The following LPP variants were observed in gnomAD, a reference collection of about 807,000 sequenced individuals.
LPP encodes the protein LIM domain containing preferred translocation partner in lipoma, also known as lipoma-preferred partner.
Under a neutral mutation model 60.4 loss-of-function variants are expected in LPP, and 38 were observed. The observed-to-expected ratio is 0.63, with a 90% confidence interval of 0.49 to 0.83. The LOEUF (loss-of-function observed/expected upper bound fraction) is 0.83. LPP is among the 40% of genes least tolerant of loss of function. LPP has a pLI of 0.00. For missense variants in LPP, 902 were observed against 783.6 expected, an observed-to-expected ratio of 1.15 and a Z score of -1.80; for synonymous variants, 328 against 290.8, an observed-to-expected ratio of 1.13 and a Z score of -1.30.
chr3:188,655,415 G>A (rs751130407), intron 7 of LPP, among the ~76,000 whole-genome samples: 15 of 152,146 alleles, frequency 9.9e-5, no homozygotes, highest in South Asian at 2.1e-4. Context: ...AGCATAAGGC[G>A]GGTTTTAGAA....
Position 188,154,214 on chromosome 3 carries a change from C to CGCT in LPP, c.-228_-227insGCT, listed in dbSNP as rs34482225. Among the ~76,000 whole-genome samples, 3 of 151,902 alleles carry CGCT rather than the reference C, an allele frequency of 2.0e-5. No homozygotes were observed. Among genetic ancestry groups the CGCT allele is most frequent in the African/African-American group, 4.8e-5 (2 of 41,396 alleles). ...CCGCCGCCGCCGCCGCCGCCGCCGC[C>CGCT]ACCACCACCGCCGCTGCCCCGGCTG... On this transcript the variant is annotated 5_prime_UTR_variant, in exon 1 of 12. Transcript: ENST00000617246.
chr3:188,230,205 C>T (rs916837794), intron 2 of LPP, among the ~76,000 whole-genome samples: 3 of 151,962 alleles, frequency 2.0e-5, no homozygotes, highest in African/African-American at 7.3e-5. Flanking sequence ...CTTGCCTCAG[C>T]TGCCCGAGTA....
chr3:188,754,595 C>T (rs79044630), intron 8 of LPP, among the ~76,000 whole-genome samples: 16,832 of 152,044 alleles, frequency 0.11, 1,033 homozygotes, highest in East Asian at 0.14. Context: ...AAGTTTCTCT[C>T]CTGTAATATC....
At chr3:188,254,206 A>G (rs1730887895) in intron 2 of LPP, among the ~76,000 whole-genome samples, 1 of 152,206 alleles carries the variant, frequency 6.6e-6, no homozygotes, top group Non-Finnish European at 1.5e-5. Context: ...TGCAAAAGAG[A>G]GTGAAAGCCA....
At chr3:188,765,414 A>C (rs1213588933) in intron 9 of LPP, among the ~76,000 whole-genome samples, 1 of 152,010 alleles carries the variant, frequency 6.6e-6, no homozygotes, top group African/African-American at 2.4e-5. Flanking sequence ...GAAAGAGAAA[A>C]ATTTGTCAAG....
chr3:188,808,749 G>A (rs565556378), intron 9 of LPP, among the ~76,000 whole-genome samples: 9 of 152,098 alleles, frequency 5.9e-5, no homozygotes, highest in South Asian at 2.1e-4. Flanking sequence ...GTGTGCCCTG[G>A]CGGTTTGCTG....
intron 2 of LPP, among the ~76,000 whole-genome samples, chr3:188,332,570 G>A (rs1400574910): frequency 6.6e-6 from 1 of 152,146 alleles, no homozygotes; most frequent in African/African-American, 2.4e-5. Flanking sequence ...CTAAAGACCA[G>A]ATGCTGGATA....
chr3:188,505,490 C>G (rs1281649381), intron 5 of LPP, among the ~76,000 whole-genome samples: 1 of 152,186 alleles, frequency 6.6e-6, no homozygotes, highest in Non-Finnish European at 1.5e-5. Context: ...CTGCTTGTGA[C>G]TTGGTACTGT....
Position 188,495,075 on chromosome 3 carries a change from TATATATA to T in LPP, c.306+10372_306+10378del, listed in dbSNP as rs1292049441. On this transcript the variant is annotated intron_variant, in intron 5 of 11. Transcript: ENST00000617246. ...TAAGGTTCAGGATTTTATATATATATATATATATTTTATTTATATTTTATTATATATT... is the reference window on the plus strand; with the variant it reads ...TAAGGTTCAGGATTTTATATATATATTTTTATTTATATTTTATTATATATT... Among the ~76,000 whole-genome samples the T allele has an allele frequency of 3.9e-5, 4 of 102,810 alleles. 1 individual carries two copies. The highest frequency in any genetic ancestry group is 3.1e-4 in the Admixed American group (3 of 9,548). 67.4% of individuals were successfully genotyped at this position (102,810 alleles called of 152,430 possible). A position where few individuals can be genotyped will look rare whatever the true frequency, so the allele number is the denominator to read the frequency against.
chr3:188,871,810 G>GA (rs1402299968), intron 10 of LPP, among the ~76,000 whole-genome samples: 2 of 151,644 alleles, frequency 1.3e-5, no homozygotes, highest in Middle Eastern at 3.2e-3. Flanking sequence ...ACCTGTCATA[G>GA]AAAAAAAATT....
intron 9 of LPP, among the ~76,000 whole-genome samples, chr3:188,863,948 G>C (rs893817348): frequency 3.6e-5 from 5 of 139,180 alleles, no homozygotes; most frequent in African/African-American, 1.3e-4. Context: ...TCCATTACAG[G>C]GCTGACTAAA....
chr3:188,264,511 G>A (rs973385651), intron 2 of LPP, among the ~76,000 whole-genome samples: 1 of 152,160 alleles, frequency 6.6e-6, no homozygotes, highest in East Asian at 1.9e-4. Context: ...AATGTAAAAT[G>A]AATTGGGTCT....
intron 2 of LPP, among the ~76,000 whole-genome samples, chr3:188,256,533 C>T (rs1240162024): frequency 1.3e-5 from 2 of 152,124 alleles, no homozygotes; most frequent in Non-Finnish European, 2.9e-5. Flanking sequence ...TTAAGGTCAT[C>T]AGTCTTTCAA....
chr3:188,161,587 C>T (rs966311081), intron 1 of LPP, among the ~76,000 whole-genome samples: 6 of 152,106 alleles, frequency 3.9e-5, no homozygotes, highest in East Asian at 1.9e-4. Flanking sequence ...AACTGAGGCC[C>T]CAGAAAAGGG....
intron 6 of LPP, among the ~76,000 whole-genome samples, chr3:188,566,686 A>T (rs1832252532): frequency 6.6e-6 from 1 of 151,868 alleles, no homozygotes; most frequent in African/African-American, 2.4e-5. Context: ...AGAAGCTAAC[A>T]ATCTATGCTT....
intron 4 of LPP, among the ~76,000 whole-genome samples, chr3:188,461,693 T>C (rs1798994781): frequency 6.6e-6 from 1 of 152,222 alleles, no homozygotes; most frequent in South Asian, 2.1e-4. Context: ...TTTTCGTTTT[T>C]TGACTCAGGC....
At chr3:188,762,924 C>G (rs1408946743) in intron 9 of LPP, among the ~76,000 whole-genome samples, 1 of 152,152 alleles carries the variant, frequency 6.6e-6, no homozygotes, top group Non-Finnish European at 1.5e-5. Flanking sequence ...TCGAGTTCAG[C>G]ACAGTCCTCA....
chr3:188,635,611 A>T (rs1188956447), intron 7 of LPP, among the ~76,000 whole-genome samples: 1 of 152,206 alleles, frequency 6.6e-6, no homozygotes, highest in East Asian at 1.9e-4. Context: ...TGTCTCAAAA[A>T]ATCAGCATCT....
intron 3 of LPP, among the ~76,000 whole-genome samples, chr3:188,400,140 A>G (rs1781903217): frequency 6.6e-6 from 1 of 152,166 alleles, no homozygotes; most frequent in East Asian, 1.9e-4. Flanking sequence ...GGTACAGAAT[A>G]GAGAAAACAT....
Sources: allele counts gnomAD v4.1 joint callset (sites outside exome capture counted in the v4.1 genomes callset), GRCh38; gene constraint gnomAD v4.1.1; transcripts MANE v1.5; gene names NCBI Gene and HGNC (gene_info 2026-07-23, HGNC 2026-07-21).